Variants in SLF1 observed in about 807,000 individuals in gnomAD.
SLF1 encodes the protein SMC5-SMC6 complex localization factor protein 1.
In SLF1, 105 loss-of-function variants were observed where a neutral mutation model predicts 123.0. The observed-to-expected ratio is 0.85, with a 90% CI of 0.73 to 1.00. The LOEUF (loss-of-function observed/expected upper bound fraction) is 1.00, where lower values mean the gene tolerates loss of function less well. Ranked by LOEUF, SLF1 falls within the 50% of genes least tolerant of loss-of-function variation. SLF1 has a pLI of 0.00. For missense variants in SLF1, 1,239 were observed against 1,223.0 expected, an observed-to-expected ratio of 1.01 and a Z score of -0.20; for synonymous variants, 434 against 406.6, an observed-to-expected ratio of 1.07 and a Z score of -0.81.
chr5:94,669,439 A>G (rs1388966393), intron 12 of SLF1, among the ~76,000 whole-genome samples: 1 of 152,174 alleles, frequency 6.6e-6, no homozygotes, highest in Non-Finnish European at 1.5e-5. Flanking sequence ...CCTAGACACT[A>G]TTTCTTAAAT....
intron 1 of SLF1, among the ~76,000 whole-genome samples, chr5:94,622,184 C>G (rs192386634): frequency 6.6e-6 from 1 of 152,294 alleles, no homozygotes; most frequent in East Asian, 1.9e-4. Flanking sequence ...TCAGTTTTAA[C>G]AGTTATTTGT....
chr5:94,630,272 A>G (rs965900912), intron 3 of SLF1, among the ~76,000 whole-genome samples: 1 of 152,212 alleles, frequency 6.6e-6, no homozygotes, highest in Admixed American at 6.5e-5. Flanking sequence ...ATGGAATTAT[A>G]TTTAGAATTA....
chr5:94,627,513 TAG>T (rs1377746565), intron 1 of SLF1, among the ~76,000 whole-genome samples: 1 of 149,212 alleles, frequency 6.7e-6, no homozygotes, highest in Non-Finnish European at 1.5e-5. Context: ...AAAATAAACT[TAG>T]ATTTTTTTTA....
At chr5:94,681,767 G>A (rs996676185) in intron 15 of SLF1, among the ~76,000 whole-genome samples, 2 of 151,680 alleles carry the variant, frequency 1.3e-5, no homozygotes, top group Admixed American at 6.6e-5. Flanking sequence ...TTGTTCTTGC[G>A]ATAGTTTACT....
chr5:94,631,461 T>C (rs1402679611), intron 4 of SLF1, among the ~76,000 whole-genome samples: 1 of 152,202 alleles, frequency 6.6e-6, no homozygotes, highest in African/African-American at 2.4e-5. Context: ...TTTATCACTA[T>C]AGACTAGATG....
intron 4 of SLF1, among the ~76,000 whole-genome samples, chr5:94,632,765 A>T (rs1409405021): frequency 6.6e-6 from 1 of 151,982 alleles, no homozygotes; most frequent in East Asian, 1.9e-4. Context: ...CAGTGGTGCA[A>T]TCTCGGCTCA....
At chr5:94,687,383 G>T (rs6879307) in intron 16 of SLF1, among the ~76,000 whole-genome samples, 47,179 of 152,022 alleles carry the variant, frequency 0.31, 7,668 homozygotes, top group African/African-American at 0.38. Flanking sequence ...AGGGGCAGTG[G>T]GGGGAAGGTA....
chr5:94,649,872 G>A (rs971921065), intron 6 of SLF1, among the ~76,000 whole-genome samples: 11 of 152,040 alleles, frequency 7.2e-5, no homozygotes, highest in African/African-American at 2.7e-4. Context: ...ACCATGTTTA[G>A]GTAACTTACT....
chr5:94,658,821 G>A (rs111395665), intron 9 of SLF1, among the ~76,000 whole-genome samples: 344 of 149,740 alleles, frequency 2.3e-3, no homozygotes, highest in African/African-American at 7.8e-3. Context: ...CTTTTTTTTC[G>A]TTTTGTCTGT....
At chr5:94,630,004 A>G (rs1745033294) in intron 3 of SLF1, among the ~76,000 whole-genome samples, 1 of 152,224 alleles carries the variant, frequency 6.6e-6, no homozygotes, top group Admixed American at 6.5e-5. Context: ...GAGTTGTTAT[A>G]AAATGACCTG....
At chr5:94,634,690 A>G (rs968172971) in intron 4 of SLF1, among the ~76,000 whole-genome samples, 2 of 152,180 alleles carry the variant, frequency 1.3e-5, no homozygotes, top group Non-Finnish European at 2.9e-5. Context: ...ATTCCCAACA[A>G]CTAGGGAATA....
chr5:94,693,963 C>T (rs1753312868), intron 20 of SLF1, among the ~76,000 whole-genome samples: 1 of 151,664 alleles, frequency 6.6e-6, no homozygotes, highest in Admixed American at 6.6e-5. Flanking sequence ...TGAATTTTAG[C>T]AGTTATAATC....
chr5:94,625,797 G>C (rs1792183930), intron 1 of SLF1, among the ~76,000 whole-genome samples: 2 of 152,006 alleles, frequency 1.3e-5, no homozygotes, highest in African/African-American at 4.8e-5. Flanking sequence ...ATCCAAATGT[G>C]GCTTTTTTGT....
Position 94,665,897 on chromosome 5 carries a change from A to G in SLF1, c.1405A>G (p.Ile469Val). 1 of 1,548,828 alleles carries G rather than the reference A, an allele frequency of 6.5e-7. No homozygotes were observed. The highest frequency in any genetic ancestry group is 8.7e-7 in the Non-Finnish European group (1 of 1,144,356). The stretch of plus-strand genomic sequence containing the variant: ...TACATTTTCTGGTCGATACTTTCAT[A>G]TATTGTCAGCTCTTCTTCACCTGCA... ...IDTFSGRYFH[I>V]LSALLHLHPP... is the part of the protein sequence containing the mutation. Residue 469 changes from isoleucine to valine, a missense_variant, in exon 12 of 21, where the codon ATA becomes GTA. By Grantham distance (29) the Ile-to-Val change is conservative. Transcript: ENST00000265140.
chr5:94,637,689 C>T (rs1472061733), intron 4 of SLF1, among the ~76,000 whole-genome samples: 1 of 151,952 alleles, frequency 6.6e-6, no homozygotes, highest in Non-Finnish European at 1.5e-5. Context: ...GCAGAACTAG[C>T]CTCTGTACTT....
chr5:94,621,573 C>T (rs570765561), intron 1 of SLF1, among the ~76,000 whole-genome samples: 23 of 152,230 alleles, frequency 1.5e-4, no homozygotes, highest in South Asian at 1.5e-3. Flanking sequence ...TACTGTCCAC[C>T]TATTCTTTTT....
chr5:94,677,365 G>T (rs1751199204), intron 14 of SLF1, among the ~76,000 whole-genome samples: 1 of 152,140 alleles, frequency 6.6e-6, no homozygotes, highest in Non-Finnish European at 1.5e-5. Context: ...TAAAAGGCAT[G>T]TGAAAAGGTT....
chr5:94,626,758 A>G (rs947569706), intron 1 of SLF1, among the ~76,000 whole-genome samples: 3 of 152,192 alleles, frequency 2.0e-5, no homozygotes, highest in Non-Finnish European at 2.9e-5. Flanking sequence ...GTGCAGGACT[A>G]CTACTGGCAG....
intron 1 of SLF1, among the ~76,000 whole-genome samples, chr5:94,627,075 T>G (rs1390474164): frequency 6.6e-6 from 1 of 152,236 alleles, no homozygotes; most frequent in African/African-American, 2.4e-5. Context: ...TTTACATGTC[T>G]TTAAAAATAG....
Sources: gnomAD v4.1 joint callset for allele counts (sites outside exome capture counted in the v4.1 genomes callset) on GRCh38, gnomAD v4.1.1 for gene constraint, MANE v1.5 for transcripts, NCBI Gene and HGNC (gene_info 2026-07-23, HGNC 2026-07-21) for gene names.